Variants in TMOD3 observed in about 807,000 individuals in gnomAD.
TMOD3 encodes tropomodulin-3.
TMOD3 carries 20 observed loss-of-function variants against 39.2 expected under a neutral mutation model. The observed-to-expected ratio is 0.51, with a 90% CI of 0.36 to 0.74. TMOD3 has a LOEUF of 0.74. TMOD3 is among the 30% of genes least tolerant of loss of function. The probability of loss-of-function intolerance (pLI) is 0.00; values close to 1 mark genes in which losing one functional copy is unlikely to be tolerated. For missense variants in TMOD3, 381 were observed against 412.8 expected (o/e 0.92, Z 0.67); for synonymous variants, 143 against 145.8 (o/e 0.98, Z 0.14).
At position 51,908,511 on chromosome 15, in the gene TMOD3, G is replaced by A. The variant is rs561493121; in HGVS notation, c.1025-265G>A. 2.2e-4 allele frequency among the ~76,000 whole-genome samples: 33 copies of A among 152,210 alleles called. No individual in the cohort carries two copies. In the South Asian group the frequency reaches 4.8e-3, roughly 22 times the overall value. ...GATTTCTAGTGCTGCTGCTGTGTAAGCACAGCTATGAGTCATTGAGCTTAG... is the reference window on the plus strand; with the variant it reads ...GATTTCTAGTGCTGCTGCTGTGTAAACACAGCTATGAGTCATTGAGCTTAG... On this transcript the variant is annotated intron_variant, in intron 9 of 9. Transcript: ENST00000308580.
intron 1 of TMOD3, among the ~76,000 whole-genome samples, chr15:51,858,711 T>G (rs1455342307): frequency 6.6e-6 from 1 of 152,242 alleles, no homozygotes; most frequent in Non-Finnish European, 1.5e-5. Flanking sequence ...TCTCCTTCAT[T>G]TTAACTGGCT....
At chr15:51,898,357 C>A (rs990555489) in intron 7 of TMOD3, among the ~76,000 whole-genome samples, 1 of 152,168 alleles carries the variant, frequency 6.6e-6, no homozygotes, top group Non-Finnish European at 1.5e-5. Flanking sequence ...TTTTCCTGAC[C>A]GTGCTATATA....
chr15:51,860,380 CT>C (rs2056411299), intron 1 of TMOD3: 2 of 543,964 alleles, frequency 3.7e-6, no homozygotes, highest in South Asian at 1.4e-5. Flanking sequence ...TCCATGTTGG[CT>C]TTTTGAAATT....
chr15:51,895,193 T>G (rs1378974980), intron 6 of TMOD3, among the ~76,000 whole-genome samples: 7 of 151,964 alleles, frequency 4.6e-5, no homozygotes, highest in Non-Finnish European at 1.0e-4. Flanking sequence ...CAGAGAAAGC[T>G]TATATTCATA....
intron 1 of TMOD3, among the ~76,000 whole-genome samples, chr15:51,832,523 A>G (rs1449222424): frequency 2.0e-5 from 3 of 152,010 alleles, no homozygotes; most frequent in Non-Finnish European, 4.4e-5. Context: ...GGAACCTGAG[A>G]TGAGCCAGAT....
chr15:51,904,149 G>C (rs1281877907), intron 9 of TMOD3, among the ~76,000 whole-genome samples: 1 of 152,228 alleles, frequency 6.6e-6, no homozygotes, highest in Non-Finnish European at 1.5e-5. Flanking sequence ...GTATTGAGTG[G>C]ATATTTGAGT....
rs749617950 is a variant in TMOD3, at chr15:51,893,871, A to G, written c.553A>G (p.Asn185Asp). The G allele has an allele frequency of 4.5e-5, 72 of 1,610,770 alleles. No individual in the cohort carries two copies. Among genetic ancestry groups the G allele is most frequent in the Middle Eastern group, 3.3e-4 (2 of 6,062 alleles). ...ATTTGATGAGCCACCAAATCCAACC[A>G]ATGTAGAAGAGAGTTTGAAGAGAAC... The part of the protein sequence containing the change: ...PVFDEPPNPT[N>D]VEESLKRTKE... The change falls in exon 6 of 10, where the codon AAT (asparagine) becomes GAT (aspartate). Residue 185 changes from asparagine to aspartate, a missense_variant. Coordinates refer to ENST00000308580, the MANE Select transcript of TMOD3 (RefSeq NM_014547.5).
In TMOD3 at chr15:51,900,151, C is replaced by T. The variant is rs1418295934; in HGVS notation, c.736-4C>T. ...AATCTCTTAATATTTTCTCTAATTTCTAGGCTTTTGCAGAAATGCTGAAAG... is the reference window on the plus strand; with the variant it reads ...AATCTCTTAATATTTTCTCTAATTTTTAGGCTTTTGCAGAAATGCTGAAAG... On this transcript the variant is annotated splice_region_variant and splice_polypyrimidine_tract_variant and intron_variant, in intron 7 of 9. Coordinates refer to ENST00000308580, the MANE Select transcript of TMOD3 (RefSeq NM_014547.5). 1.9e-6 allele frequency: 3 copies of T among 1,613,636 alleles called. No individual in the cohort carries two copies. The South Asian group carries it at 3.3e-5, about 18-fold the overall frequency.
intron 3 of TMOD3, among the ~76,000 whole-genome samples, chr15:51,875,662 C>G (rs2141693028): frequency 7.1e-6 from 1 of 140,270 alleles, no homozygotes; most frequent in Admixed American, 7.8e-5. Flanking sequence ...GTCGCCCAGG[C>G]TGGAGTGCAG....
chr15:51,904,631 C>CA (rs1343065930), intron 9 of TMOD3, among the ~76,000 whole-genome samples: 1 of 152,172 alleles, frequency 6.6e-6, no homozygotes, highest in Non-Finnish European at 1.5e-5. Flanking sequence ...CTATAAACGT[C>CA]ACGGCAGGGG....
intron 9 of TMOD3, chr15:51,907,172 T>C (rs1566869924): frequency 6.6e-6 from 1 of 152,208 alleles, no homozygotes; most frequent in Admixed American, 6.5e-5. Context: ...AACTTGTCTT[T>C]GTTAGCATGG....
chr15:51,905,668 T>C (rs539531802), intron 9 of TMOD3, among the ~76,000 whole-genome samples: 16 of 152,262 alleles, frequency 1.1e-4, no homozygotes, highest in African/African-American at 3.6e-4. Context: ...ATTGCTCTAT[T>C]AGAGTTAGAA....
intron 1 of TMOD3, chr15:51,860,064 C>T (rs2056409224): frequency 1.9e-6 from 1 of 520,340 alleles, no homozygotes. Flanking sequence ...CATCTGTCCT[C>T]CTTCTGGCCC....
chr15:51,875,835 T>A (rs2056499969), intron 3 of TMOD3, among the ~76,000 whole-genome samples: 1 of 151,980 alleles, frequency 6.6e-6, no homozygotes, highest in Non-Finnish European at 1.5e-5. Flanking sequence ...AGCCAGGATG[T>A]TCGCCATCTC....
At chr15:51,829,943 C>T (rs1038812173) in intron 1 of TMOD3, 107 bp downstream of exon 1, 4 of 152,168 alleles carry the variant, frequency 2.6e-5, no homozygotes, top group African/African-American at 9.7e-5. Flanking sequence ...GCCGGCCGCC[C>T]GACTCCAGGC....
At chr15:51,842,241 G>C (rs2056315859) in intron 1 of TMOD3, among the ~76,000 whole-genome samples, 1 of 152,112 alleles carries the variant, frequency 6.6e-6, no homozygotes, top group African/African-American at 2.4e-5. Flanking sequence ...AAAACCTAGT[G>C]AATACCCCTC....
At chr15:51,852,411 A>G (rs569012196) in intron 1 of TMOD3, among the ~76,000 whole-genome samples, 1 of 151,928 alleles carries the variant, frequency 6.6e-6, no homozygotes, top group African/African-American at 2.4e-5. Context: ...CTGAAGAGGA[A>G]ACTCATTTGG....
intron 1 of TMOD3, among the ~76,000 whole-genome samples, chr15:51,832,877 A>T: frequency 6.6e-6 from 1 of 152,164 alleles, no homozygotes; most frequent in Admixed American, 6.5e-5. Context: ...TAGCTGGCAA[A>T]CTACTCTTCA....
chr15:51,862,686 G>A (rs2056425081), intron 1 of TMOD3, 125 bp from the exon 2 acceptor site: 1 of 332,224 alleles, frequency 3.0e-6, no homozygotes, highest in East Asian at 5.1e-5. Context: ...AACAAGAATA[G>A]TATGTGATAT....
Sources: allele counts gnomAD v4.1 joint callset (sites outside exome capture counted in the v4.1 genomes callset), GRCh38; gene constraint gnomAD v4.1.1; transcripts MANE v1.5; gene names NCBI Gene and HGNC (gene_info 2026-07-23, HGNC 2026-07-21).